Variants in SMIM10L3 observed in about 807,000 individuals in gnomAD.
SMIM10L3 encodes the protein small integral membrane protein 10 like 3.
chr7:6,341,848 A>G, the SMIM10L3 span: 1 of 151,698 alleles, frequency 6.6e-6, no homozygotes, highest in Non-Finnish European at 1.5e-5. Context: ...AAATACAAAC[A>G]TTACCCAGGC....
chr7:6,347,405 A>G, the SMIM10L3 span, among the ~76,000 whole-genome samples: 7 of 151,982 alleles, frequency 4.6e-5, no homozygotes, highest in African/African-American at 1.7e-4. Flanking sequence ...AGTCCCAGCT[A>G]CTCAGGAGGC....
At chr7:6,348,946 T>C in the SMIM10L3 span, 3 of 377,610 alleles carry the variant, frequency 7.9e-6, no homozygotes, top group African/African-American at 2.1e-5. Context: ...CAGCCGCCTG[T>C]ACCAGCCTGG....
At chr7:6,330,926 G>A in the SMIM10L3 span, 11 of 1,614,122 alleles carry the variant, frequency 6.8e-6, no homozygotes, top group Admixed American at 1.0e-4. Context: ...CCGCCACTGT[G>A]AAGCCAGAGG....
the SMIM10L3 span, chr7:6,330,609 C>A: frequency 6.2e-7 from 1 of 1,614,152 alleles, no homozygotes; most frequent in Non-Finnish European, 8.5e-7. Flanking sequence ...CGGGTTCCAA[C>A]TCAGAGCCCA....
the SMIM10L3 span, among the ~76,000 whole-genome samples, chr7:6,348,091 G>A: frequency 8.6e-5 from 13 of 151,204 alleles, no homozygotes; most frequent in Non-Finnish European, 1.5e-4. Context: ...TGTATTTTTA[G>A]TAGAGACGGG....
chr7:6,340,126 C>G, the SMIM10L3 span, among the ~76,000 whole-genome samples: 1 of 152,084 alleles, frequency 6.6e-6, no homozygotes, highest in East Asian at 1.9e-4. Context: ...CTCAGGTGAT[C>G]CGCCCGCCTC....
At chr7:6,331,209 G>A in the SMIM10L3 span, 7 of 1,539,600 alleles carry the variant, frequency 4.5e-6, no homozygotes, top group Admixed American at 4.0e-5. Flanking sequence ...CAGTCTGGGA[G>A]GGCCTTCAAT....
At chr7:6,342,974 C>T in the SMIM10L3 span, among the ~76,000 whole-genome samples, 1 of 150,898 alleles carries the variant, frequency 6.6e-6, no homozygotes, top group East Asian at 2.0e-4. Flanking sequence ...GAGCTGGAGG[C>T]TGTAGTGAGC....
At chr7:6,336,306 C>T in the SMIM10L3 span, among the ~76,000 whole-genome samples, 2 of 152,136 alleles carry the variant, frequency 1.3e-5, 1 homozygote, top group Non-Finnish European at 2.9e-5. Flanking sequence ...TGTGATCACA[C>T]CACTATACTC....
the SMIM10L3 span, chr7:6,348,948 C>CAGG: frequency 0.017 from 6,447 of 379,848 alleles, 109 homozygotes; most frequent in East Asian, 0.052. Context: ...GCCGCCTGTA[C>CAGG]CAGCCTGGCC....
the SMIM10L3 span, chr7:6,348,614 G>A: frequency 2.0e-6 from 1 of 491,828 alleles, no homozygotes; most frequent in Non-Finnish European, 3.7e-6. Flanking sequence ...ACGATGTAGA[G>A]GTAGGGGAAG....
chr7:6,346,660 C>T, the SMIM10L3 span, among the ~76,000 whole-genome samples: 1 of 152,170 alleles, frequency 6.6e-6, no homozygotes, highest in African/African-American at 2.4e-5. Context: ...GGATTACTTA[C>T]AGGAGTGAGC....
the SMIM10L3 span, among the ~76,000 whole-genome samples, chr7:6,342,630 C>T: frequency 2.0e-5 from 3 of 152,056 alleles, no homozygotes; most frequent in Non-Finnish European, 1.5e-5. Flanking sequence ...AAATAAAAAC[C>T]GATGTCCACA....
the SMIM10L3 span, among the ~76,000 whole-genome samples, chr7:6,343,853 C>A: frequency 1.3e-5 from 2 of 152,046 alleles, no homozygotes; most frequent in African/African-American, 4.8e-5. Flanking sequence ...CCTTATTACT[C>A]ATGAAACAGA....
At chr7:6,330,808 C>A in the SMIM10L3 span, 2 of 1,614,040 alleles carry the variant, frequency 1.2e-6, no homozygotes, top group Non-Finnish European at 1.7e-6. Flanking sequence ...GCAGGACACC[C>A]GAGCAAAACA....
chr7:6,330,373 C>T, the SMIM10L3 span: 1 of 1,607,404 alleles, frequency 6.2e-7, no homozygotes, highest in Non-Finnish European at 8.5e-7. Context: ...TCTGCTTGTA[C>T]CTTAACTATG....
At chr7:6,332,921 G>A in the SMIM10L3 span, among the ~76,000 whole-genome samples, 1 of 152,140 alleles carries the variant, frequency 6.6e-6, no homozygotes, top group Non-Finnish European at 1.5e-5. Flanking sequence ...AGCACTTTGG[G>A]AGGCCAAGGC....
At chr7:6,342,761 G>A in the SMIM10L3 span, among the ~76,000 whole-genome samples, 4 of 152,128 alleles carry the variant, frequency 2.6e-5, no homozygotes, top group African/African-American at 9.7e-5. Context: ...GCAGGGCCAG[G>A]TATGATGGCT....
chr7:6,345,360 C>T, the SMIM10L3 span, among the ~76,000 whole-genome samples: 1 of 152,036 alleles, frequency 6.6e-6, no homozygotes, highest in African/African-American at 2.4e-5. Flanking sequence ...AGTGATCCTC[C>T]CACCTCAGTC....
Sources: allele counts gnomAD v4.1 joint callset (sites outside exome capture counted in the v4.1 genomes callset), GRCh38; gene constraint gnomAD v4.1.1; transcripts MANE v1.5; gene names NCBI Gene and HGNC (gene_info 2026-07-23, HGNC 2026-07-21).